The following ZNF276 variants were observed in gnomAD, a reference collection of about 807,000 sequenced individuals.
ZNF276 encodes the protein zinc finger protein 276.
A neutral mutation model predicts 63.9 loss-of-function variants in ZNF276; 59 were observed. The ratio of observed to expected loss-of-function variants is 0.92; its 90% CI spans 0.75 to 1.15. The LOEUF is 1.15. Ranked by LOEUF, ZNF276 falls within the 50% of genes most tolerant of loss-of-function variation. The pLI is 0.00. For synonymous variants in ZNF276, 496 were observed against 348.4 expected, an observed-to-expected ratio of 1.42 and a Z score of -4.72; for missense variants, 1,084 against 843.8, an observed-to-expected ratio of 1.28 and a Z score of -3.53.
At chr16:89,735,185 G>A (rs766813120) in intron 9 of ZNF276, among the ~76,000 whole-genome samples, 4 of 151,852 alleles carry the variant, frequency 2.6e-5, no homozygotes, top group East Asian at 1.9e-4. Flanking sequence ...TCAGGGACTC[G>A]AATCCCTGGT....
Position 89,729,561 on chromosome 16 carries a change from C to G in ZNF276, c.1169+243C>G, listed in dbSNP as rs2061579767. Among the ~76,000 whole-genome samples the G allele has an allele frequency of 2.0e-5, 3 of 152,182 alleles. No homozygotes were observed. In the South Asian group the frequency reaches 6.2e-4, roughly 32 times the overall value. On this transcript the variant is annotated intron_variant, in intron 6 of 10. Transcript: ENST00000443381. ...CCTGGTCTCGGCACTGTGAGGCTGC[C>G]TCAGAGTCCCAGCAGTGGATGGCAG...
rs1272596249 is a variant in ZNF276 at position 89,739,103 on chromosome 16, C to T, written c.*857C>T. On this transcript the variant is annotated 3_prime_UTR_variant, in exon 11 of 11. Transcript: ENST00000443381. ...GGAGCCTCCGGCTGGGGGGAGCTCC[C>T]CTGGAGGTGGGACTGGCCCTTGCAC... 3.1e-6 allele frequency: 5 copies of T among 1,613,850 alleles called. No homozygotes were observed. The highest frequency in any genetic ancestry group is 4.2e-6 in the Non-Finnish European group (5 of 1,179,918).
chr16:89,732,923 GACCCTGCTGT>G (rs1270082128), intron 6 of ZNF276: 1 of 290,166 alleles, frequency 3.4e-6, no homozygotes, highest in Non-Finnish European at 6.5e-6. Flanking sequence ...TGTTCACCCC[GACCCTGCTGT>G]ACCCTGCGCC....
rs927937594 is a variant in ZNF276, at chr16:89,740,885, A to G, written c.*2639A>G. The G allele has an allele frequency of 2.5e-6, 4 of 1,594,748 alleles. No homozygotes were observed. Among genetic ancestry groups the G allele is most frequent in the Non-Finnish European group, 3.4e-6 (4 of 1,165,936 alleles). ...CCAATAGCTGTAAATAAAAACGTGCACTTATTATTACATTAAAATTACCTG... is the reference window on the plus strand; with the variant it reads ...CCAATAGCTGTAAATAAAAACGTGCGCTTATTATTACATTAAAATTACCTG... On this transcript the variant is annotated 3_prime_UTR_variant, in exon 11 of 11. Transcript: ENST00000443381.
At chr16:89,734,238 A>G (rs2151694573) in intron 9 of ZNF276, among the ~76,000 whole-genome samples, 200 bp downstream of exon 9, 1 of 152,354 alleles carries the variant, frequency 6.6e-6, no homozygotes, top group Non-Finnish European at 1.5e-5. Context: ...CTGTGATGGA[A>G]GGAATTCCTG....
intron 9 of ZNF276, among the ~76,000 whole-genome samples, chr16:89,737,398 G>A (rs1259161218): frequency 6.6e-6 from 1 of 152,000 alleles, no homozygotes; most frequent in African/African-American, 2.4e-5. Context: ...GGGGGCGCCT[G>A]TAATCCCAGC....
At chr16:89,726,289 C>G (rs1372434822) in intron 4 of ZNF276, among the ~76,000 whole-genome samples, 1 of 150,634 alleles carries the variant, frequency 6.6e-6, no homozygotes, top group Admixed American at 6.6e-5. Context: ...CTCTGCCTCC[C>G]AGGTTCAAGC....
rs755531081 is a variant in ZNF276 at position 89,738,850 on chromosome 16, C to A, written c.*604C>A. Reference sequence around the variant, plus strand: ...GGCAGCTGTCAATTCTCATGTCCCCCACATGGCCCAAGGTGGGCATCTTGA... The same window carrying A: ...GGCAGCTGTCAATTCTCATGTCCCCAACATGGCCCAAGGTGGGCATCTTGA... On this transcript the variant is annotated 3_prime_UTR_variant, in exon 11 of 11. Coordinates refer to ENST00000443381, the MANE Select transcript of ZNF276 (RefSeq NM_001113525.2). 1 of 1,614,204 alleles carries A rather than the reference C, an allele frequency of 6.2e-7. No individual in the cohort carries two copies. Among genetic ancestry groups the A allele is most frequent in the South Asian group, 1.1e-5 (1 of 91,080 alleles).
intron 8 of ZNF276, 102 bp from the exon 9 acceptor site, chr16:89,733,819 G>C: frequency 4.5e-6 from 5 of 1,109,790 alleles, no homozygotes; most frequent in Non-Finnish European, 6.8e-6. Flanking sequence ...TGGAGGAGGA[G>C]TTGGATCTGC....
intron 4 of ZNF276, among the ~76,000 whole-genome samples, 190 bp from the exon 5 acceptor site, chr16:89,727,089 G>T (rs1269168759): frequency 6.6e-6 from 1 of 152,204 alleles, no homozygotes; most frequent in Non-Finnish European, 1.5e-5. Context: ...GCTTCTGGAC[G>T]TTGGGCTGGC....
At position 89,738,327 on chromosome 16, in the gene ZNF276, A is replaced by G. The variant is rs923174934; in HGVS notation, c.*81A>G. On this transcript the variant is annotated 3_prime_UTR_variant, in exon 11 of 11. Transcript: ENST00000443381. ...AGCCTCACCCTTCGTGTGCACCCGC[A>G]TGGGAGGGTCGGAGGGTGCTGCCCG... 6.0e-6 allele frequency: 9 copies of G among 1,509,228 alleles called. No individual in the cohort carries two copies. The highest frequency in any genetic ancestry group is 4.1e-5 in the African/African-American group (3 of 72,448). 93.5% of individuals were successfully genotyped at this position (1,509,228 alleles called of 1,614,324 possible).
At position 89,738,231 on chromosome 16, in the gene ZNF276, G is replaced by A. The variant is rs775004716; in HGVS notation, c.1830G>A (p.Lys610=). The change falls in exon 11 of 11, where the codon AAG becomes AAA. Residue 610 remains lysine, a synonymous_variant. Transcript: ENST00000443381. ...TGACCACAGAGGGCCAGGCGGTGAA[G>A]CCCGAACCCACCTGAGGACGGCAGT... ...PSVTTEGQAV[K]PEPT 1 of 1,605,698 alleles carries A rather than the reference G, an allele frequency of 6.2e-7. No individual in the cohort carries two copies. The highest frequency in any genetic ancestry group is 1.3e-5 in the African/African-American group (1 of 74,832).
chr16:89,729,647 G>A (rs1036606036), intron 6 of ZNF276, among the ~76,000 whole-genome samples: 7 of 152,080 alleles, frequency 4.6e-5, no homozygotes, highest in Admixed American at 1.3e-4. Context: ...CCCTTCTGCC[G>A]GTCCTGCCCT....
In ZNF276 at chr16:89,739,159, C is replaced by A; in HGVS notation, c.*913C>A. On this transcript the variant is annotated 3_prime_UTR_variant, in exon 11 of 11. Transcript: ENST00000443381. ...TGACCCTTGAGCTCCAGGCTCCTGC[C>A]AGCTGGAGGTGAAACTGTGCTTGTA... 2 of 1,614,180 alleles carry A rather than the reference C, an allele frequency of 1.2e-6. No individual in the cohort carries two copies. Among genetic ancestry groups the A allele is most frequent in the Non-Finnish European group, 1.7e-6 (2 of 1,180,038 alleles).
At chr16:89,733,665 T>G in intron 8 of ZNF276, 108 bp downstream of exon 8, 1 of 1,322,860 alleles carries the variant, frequency 7.6e-7, no homozygotes, top group Non-Finnish European at 1.1e-6. Flanking sequence ...AAGGACACTT[T>G]GACCTAGGTT....
At chr16:89,737,749 T>TC in intron 9 of ZNF276, 57 bp from the exon 10 acceptor site, 3 of 1,606,748 alleles carry the variant, frequency 1.9e-6, no homozygotes, top group East Asian at 2.2e-5. Flanking sequence ...GTCATCGTCG[T>TC]CCCCCCGGGA....
intron 9 of ZNF276, among the ~76,000 whole-genome samples, chr16:89,734,873 A>T (rs1416501123): frequency 6.6e-6 from 1 of 152,134 alleles, no homozygotes; most frequent in African/African-American, 2.4e-5. Flanking sequence ...AAAATGACAA[A>T]CTTGGCCGGG....
intron 5 of ZNF276, among the ~76,000 whole-genome samples, chr16:89,727,830 C>G (rs1332461043): frequency 2.6e-5 from 4 of 152,202 alleles, no homozygotes; most frequent in African/African-American, 7.2e-5. Context: ...CGACTTTAGC[C>G]CTTGACTATG....
At chr16:89,727,208 C>T (rs763596904) in intron 4 of ZNF276, 71 bp from the exon 5 acceptor site, 3 of 1,467,208 alleles carry the variant, frequency 2.0e-6, no homozygotes, top group Admixed American at 1.7e-5. Context: ...ATAGTAGAAT[C>T]ATGCCTCCTT....
Sources: gnomAD v4.1 joint callset for allele counts (sites outside exome capture counted in the v4.1 genomes callset) on GRCh38, gnomAD v4.1.1 for gene constraint, MANE v1.5 for transcripts, NCBI Gene and HGNC (gene_info 2026-07-23, HGNC 2026-07-21) for gene names.